RANBP3L: variants seen among roughly 807,000 people sequenced by gnomAD.
The protein encoded by RANBP3L is RAN binding protein 3 like.
A neutral mutation model predicts 67.2 loss-of-function variants in RANBP3L; 56 were observed. That is an observed-to-expected ratio of 0.83 (90% CI 0.67 to 1.04). The LOEUF (loss-of-function observed/expected upper bound fraction) is 1.04, where lower values mean the gene tolerates loss of function less well. RANBP3L is among the 50% of genes least tolerant of loss of function. The probability of loss-of-function intolerance (pLI) is 0.00; values close to 1 mark genes in which losing one functional copy is unlikely to be tolerated. For missense variants in RANBP3L, 496 were observed against 535.5 expected (o/e 0.93, Z 0.73); for synonymous variants, 164 against 181.4 (o/e 0.90, Z 0.77).
Position 36,277,440 on chromosome 5 carries a change from ATGTGTGTGTGTGTG to A in RANBP3L, c.92-6143_92-6130del, listed in dbSNP as rs149996886. On this transcript the variant is annotated intron_variant, in intron 1 of 13. Transcript: ENST00000296604. Reference sequence around the variant, plus strand: ...TCTCTCTCTATATATATATATATATATGTGTGTGTGTGTGTGTGTGTGTGTGTGTGTGTGTGTGT... The same window carrying A: ...TCTCTCTCTATATATATATATATATATGTGTGTGTGTGTGTGTGTGTGTGT... Among the ~76,000 whole-genome samples the A allele has an allele frequency of 3.7e-3, 429 of 115,010 alleles. 5 individuals carry two copies. Among genetic ancestry groups the A allele is most frequent in the Middle Eastern group, 0.027 (6 of 226 alleles). 75.5% of individuals were successfully genotyped at this position (115,010 alleles called of 152,430 possible). A position where few individuals can be genotyped will look rare whatever the true frequency, so the allele number is the denominator to read the frequency against.
At chr5:36,275,728 C>T (rs1475774962) in intron 1 of RANBP3L, among the ~76,000 whole-genome samples, 1 of 151,954 alleles carries the variant, frequency 6.6e-6, no homozygotes, top group African/African-American at 2.4e-5. Flanking sequence ...GACTTTGCAG[C>T]CTAATAGAGC....
intron 1 of RANBP3L, among the ~76,000 whole-genome samples, chr5:36,278,055 C>T (rs1750721358): frequency 6.6e-6 from 1 of 152,062 alleles, no homozygotes; most frequent in African/African-American, 2.4e-5. Context: ...TGGGTCCCTC[C>T]CACAACACAT....
At chr5:36,298,124 C>T (rs138705759) in intron 1 of RANBP3L, among the ~76,000 whole-genome samples, 2 of 151,404 alleles carry the variant, frequency 1.3e-5, no homozygotes, top group African/African-American at 4.9e-5. Flanking sequence ...TATGGTGAAA[C>T]CCCCGTCTCT....
Position 36,253,201 on chromosome 5 carries a change from G to A in RANBP3L, c.1167+446C>T, listed in dbSNP as rs187154308. 2.8e-4 allele frequency among the ~76,000 whole-genome samples: 42 copies of A among 152,124 alleles called. 1 individual carries two copies. In the East Asian group the frequency reaches 7.7e-3, roughly 28 times the overall value. On this transcript the variant is annotated intron_variant, in intron 12 of 13. Coordinates refer to ENST00000296604, the MANE Select transcript of RANBP3L (RefSeq NM_145000.5). The stretch of plus-strand genomic sequence containing the variant: ...CAGAATTGGAATTTGCTGTTGGACT[G>A]GTTGTTTTAACTTGCTAGCTCTGTG...
intron 1 of RANBP3L, among the ~76,000 whole-genome samples, chr5:36,289,778 G>GTTCTAGC (rs1302750295): frequency 6.6e-6 from 1 of 150,442 alleles, no homozygotes; most frequent in Non-Finnish European, 1.5e-5. Context: ...TTTTTTGATA[G>GTTCTAGC]ATTTCTCAGG....
At chr5:36,273,934 T>G (rs1750400672) in intron 1 of RANBP3L, among the ~76,000 whole-genome samples, 1 of 152,230 alleles carries the variant, frequency 6.6e-6, no homozygotes, top group African/African-American at 2.4e-5. Context: ...GACTGGAAAC[T>G]ACTCCTCTAC....
At chr5:36,253,595 A>T in intron 12 of RANBP3L, 52 bp downstream of exon 12, 2 of 1,432,050 alleles carry the variant, frequency 1.4e-6, no homozygotes, top group South Asian at 2.4e-5. Flanking sequence ...GTAATTGCAG[A>T]CGTCTATTAA....
At chr5:36,298,327 A>G (rs1167540560) in intron 1 of RANBP3L, among the ~76,000 whole-genome samples, 1 of 151,862 alleles carries the variant, frequency 6.6e-6, no homozygotes, top group Admixed American at 6.6e-5. Flanking sequence ...GGAAAAGAAA[A>G]TATGTATGTG....
intron 1 of RANBP3L, among the ~76,000 whole-genome samples, chr5:36,284,516 G>C (rs925723062): frequency 2.6e-5 from 4 of 152,162 alleles, no homozygotes; most frequent in Non-Finnish European, 5.9e-5. Flanking sequence ...TAAAGTCCTA[G>C]TTTAAATACA....
intron 1 of RANBP3L, among the ~76,000 whole-genome samples, chr5:36,275,465 G>A (rs1324409584): frequency 6.6e-6 from 1 of 152,148 alleles, no homozygotes; most frequent in East Asian, 1.9e-4. Context: ...AGTCCCAAAT[G>A]TATGATATGT....
At chr5:36,281,065 A>T (rs1750937872) in intron 1 of RANBP3L, among the ~76,000 whole-genome samples, 1 of 152,212 alleles carries the variant, frequency 6.6e-6, no homozygotes. Flanking sequence ...TAAATAAAAG[A>T]ATGACTGCTA....
At chr5:36,300,981 G>T (rs1338790170) in intron 1 of RANBP3L, among the ~76,000 whole-genome samples, 1 of 152,148 alleles carries the variant, frequency 6.6e-6, no homozygotes, top group Non-Finnish European at 1.5e-5. Context: ...GGTAGAGAAA[G>T]CTCCAGGCTA....
At chr5:36,278,256 C>G (rs546146387) in intron 1 of RANBP3L, among the ~76,000 whole-genome samples, 3 of 151,902 alleles carry the variant, frequency 2.0e-5, no homozygotes, top group Non-Finnish European at 4.4e-5. Flanking sequence ...CTTTTTTATT[C>G]TTTTTATTTT....
intron 1 of RANBP3L, among the ~76,000 whole-genome samples, chr5:36,300,034 C>CCCCCACCA (rs750031413): frequency 3.0e-4 from 46 of 152,092 alleles, no homozygotes; most frequent in Non-Finnish European, 5.6e-4. Context: ...TTTAGGCTCA[C>CCCCCACCA]CCCCACCAAA....
At chr5:36,263,550 A>T (rs1749545150) in intron 6 of RANBP3L, among the ~76,000 whole-genome samples, 1 of 152,202 alleles carries the variant, frequency 6.6e-6, no homozygotes, top group Non-Finnish European at 1.5e-5. Flanking sequence ...AACAAGTTAA[A>T]CACCATGCAT....
chr5:36,261,902 A>G (rs753302205), intron 7 of RANBP3L, 37 bp downstream of exon 7: 11 of 956,140 alleles, frequency 1.2e-5, no homozygotes, highest in Non-Finnish European at 1.8e-5. Context: ...GAATGCAAGA[A>G]TGAAAGGACA....
intron 1 of RANBP3L, among the ~76,000 whole-genome samples, chr5:36,290,898 A>ATTTTTTTTTT (rs758051439): frequency 8.3e-6 from 1 of 120,882 alleles, no homozygotes; most frequent in Admixed American, 8.4e-5. Context: ...TGCCTGGCTA[A>ATTTTTTTTTT]TTTTTTTTTT....
intron 1 of RANBP3L, among the ~76,000 whole-genome samples, chr5:36,299,520 G>A (rs903383527): frequency 3.9e-5 from 6 of 151,938 alleles, no homozygotes; most frequent in African/African-American, 7.3e-5. Context: ...GTATTACTGA[G>A]AACATACCCC....
chr5:36,288,457 C>T (rs995577345), intron 1 of RANBP3L, among the ~76,000 whole-genome samples: 1 of 152,148 alleles, frequency 6.6e-6, no homozygotes, highest in Non-Finnish European at 1.5e-5. Flanking sequence ...TTGTGCAAGG[C>T]TTTCGTGGAT....
Sources: gnomAD v4.1 joint callset for allele counts (sites outside exome capture counted in the v4.1 genomes callset) on GRCh38, gnomAD v4.1.1 for gene constraint, MANE v1.5 for transcripts, NCBI Gene and HGNC (gene_info 2026-07-23, HGNC 2026-07-21) for gene names.